Variants in EFNA1 observed in about 807,000 individuals in gnomAD.
EFNA1 encodes the protein ephrin A1, also known as ephrin-A1.
In EFNA1, 8 loss-of-function variants were observed where a neutral mutation model predicts 23.2. The observed-to-expected ratio is 0.34, with a 90% CI of 0.20 to 0.62. The LOEUF is 0.62. Ranked by LOEUF, EFNA1 falls within the 20% of genes least tolerant of loss-of-function variation. The pLI is 0.75. For synonymous variants in EFNA1, 89 were observed against 98.6 expected, an observed-to-expected ratio of 0.90 and a Z score of 0.58; for missense variants, 217 against 260.0, an observed-to-expected ratio of 0.83 and a Z score of 1.14.
Position 155,131,619 on chromosome 1 carries a change from A to AGCT in EFNA1, c.374_376dup (p.Ser125_Tyr126insCys). ...GGGCAAGGAGTTCAAAGAAGGACAC[A>AGCT]GCTACTACTACATCTGTGAGTGCCT... On this transcript the variant is annotated inframe_insertion, in exon 2 of 5. Transcript: ENST00000368407. 1 of 1,611,700 alleles carries AGCT rather than the reference A, an allele frequency of 6.2e-7. No homozygotes were observed. The highest frequency in any genetic ancestry group is 1.1e-5 in the South Asian group (1 of 91,046).
chr1:155,133,613 T>G, intron 3 of EFNA1, 45 bp downstream of exon 3: 3 of 1,611,606 alleles, frequency 1.9e-6, no homozygotes, highest in Non-Finnish European at 2.5e-6. Flanking sequence ...ATCTCTATGC[T>G]GGGTGCGGTC....
At chr1:155,132,312 G>C (rs2102471786) in intron 2 of EFNA1, among the ~76,000 whole-genome samples, 1 of 152,070 alleles carries the variant, frequency 6.6e-6, no homozygotes, top group Admixed American at 6.5e-5. Flanking sequence ...GCAGTGGTGT[G>C]ATCTCTGCTC....
chr1:155,133,948 C>T lies in EFNA1; in HGVS notation c.506-7C>T, dbSNP rs1224020511. 6.2e-7 allele frequency: 1 copy of T among 1,613,888 alleles called. No individual in the cohort carries two copies. The highest frequency in any genetic ancestry group is 1.3e-5 in the African/African-American group (1 of 75,040). On this transcript the variant is annotated splice_region_variant and splice_polypyrimidine_tract_variant and intron_variant, in intron 4 of 4. Coordinates refer to ENST00000368407, the MANE Select transcript of EFNA1 (RefSeq NM_004428.3). Reference sequence around the variant, plus strand: ...ACACTGGTGGCCTTTGCCCTCTCACCTTGCAGATGACCCAGAGGTGCGGGT... The same window carrying T: ...ACACTGGTGGCCTTTGCCCTCTCACTTTGCAGATGACCCAGAGGTGCGGGT...
At position 155,134,300 on chromosome 1, in the gene EFNA1, GAAGT is replaced by G. The variant is rs2102474193; in HGVS notation, c.*234_*237del. 1 of 567,626 alleles carries G rather than the reference GAAGT, an allele frequency of 1.8e-6. No individual in the cohort carries two copies. Among genetic ancestry groups the G allele is most frequent in the Non-Finnish European group, 3.2e-6 (1 of 315,674 alleles). The allele number at this position is 567,626 out of a possible 1,614,324, so 35.2% of individuals were successfully genotyped here. A position where few individuals can be genotyped will look rare whatever the true frequency, so the allele number is the denominator to read the frequency against. On this transcript the variant is annotated 3_prime_UTR_variant, in exon 5 of 5. Transcript: ENST00000368407. ...CCTTCACCTCGGAGGGATGGAGAAAGAAGTGGAGACAGTCCTTTCCCACCATTCC... is the reference window on the plus strand; with the variant it reads ...CCTTCACCTCGGAGGGATGGAGAAAGGGAGACAGTCCTTTCCCACCATTCC...
rs1664148022 is a variant in EFNA1 at position 155,128,537 on chromosome 1, G to A, written c.92+468G>A. ...CCCTGGAAGGACCTCTCAGGAGAGA[G>A]CTGGGCTGTAGGCATTCATTATGCA... On this transcript the variant is annotated intron_variant, in intron 1 of 4. Coordinates refer to ENST00000368407, the MANE Select transcript of EFNA1 (RefSeq NM_004428.3). Among the ~76,000 whole-genome samples the A allele has an allele frequency of 3.3e-5, 5 of 152,328 alleles. No individual in the cohort carries two copies. The South Asian group carries it at 1.0e-3, about 32-fold the overall frequency.
intron 1 of EFNA1, chr1:155,130,484 G>T (rs369472084): frequency 2.0e-6 from 2 of 978,350 alleles, no homozygotes; most frequent in African/African-American, 1.8e-5. Flanking sequence ...GGAGGGGAGA[G>T]GGGGAGAGGA....
chr1:155,133,744 G>A lies in EFNA1; in HGVS notation c.469G>A (p.Ala157Thr), dbSNP rs1664298480. The A allele has an allele frequency of 1.2e-6, 2 of 1,613,952 alleles. No homozygotes were observed. Among genetic ancestry groups the A allele is most frequent in the African/African-American group, 1.3e-5 (1 of 74,862 alleles). ...TTGTCTTTCAGCTCACAGTCCTCAG[G>A]CCCATGACAATCCACAGGAGAAGAG... Reference protein sequence around the residue: ...VSGKITHSPQAHDNPQEKRLA... With the variant: ...VSGKITHSPQTHDNPQEKRLA... The change falls in exon 4 of 5, where the codon GCC becomes ACC. Residue 157 changes from alanine to threonine, a missense_variant. Physicochemically the swap from Ala to Thr is moderately conservative, Grantham distance 58. Transcript: ENST00000368407.
In EFNA1 at chr1:155,134,042, C is replaced by T; in HGVS notation, c.593C>T (p.Pro198Leu). Residue 198 changes from proline (P) to leucine (L), a missense_variant, in exon 5 of 5, where the codon CCA (proline) becomes CTA (leucine). Transcript: ENST00000368407. Reference sequence around the variant, plus strand: ...CTTGCCTGGACTGTGCTGCTCCTTCCACTTCTGCTGCTGCAAACCCCGTGA... The same window carrying T: ...CTTGCCTGGACTGTGCTGCTCCTTCTACTTCTGCTGCTGCAAACCCCGTGA... ...FPLAWTVLLL[P>L]LLLLQTP The T allele has an allele frequency of 6.2e-7, 1 of 1,614,128 alleles. No individual in the cohort carries two copies. Among genetic ancestry groups the T allele is most frequent in the Non-Finnish European group, 8.5e-7 (1 of 1,180,030 alleles).
intron 1 of EFNA1, chr1:155,131,125 C>T: frequency 1.5e-6 from 2 of 1,364,630 alleles, no homozygotes; most frequent in Non-Finnish European, 1.9e-6. Flanking sequence ...ATTTGAAGGA[C>T]CAACAGGAGA....
Position 155,131,383 on chromosome 1 carries a change from A to G in EFNA1, c.137A>G (p.Tyr46Cys), listed in dbSNP as rs146875946. The G allele has an allele frequency of 1.9e-5, 30 of 1,613,950 alleles. No homozygotes were observed. The highest frequency in any genetic ancestry group is 2.5e-5 in the Non-Finnish European group (29 of 1,179,968). The change falls in exon 2 of 5, where the codon TAC becomes TGC. Residue 46 changes from tyrosine (Y) to cysteine (C), a missense_variant. By Grantham distance (194) the Tyr-to-Cys change is radical (BLOSUM62 -2). Transcript: ENST00000368407. ...ACCATACATGTGCAGCTGAATGACTACGTGGACATCATCTGTCCGCACTAT... is the reference window on the plus strand; with the variant it reads ...ACCATACATGTGCAGCTGAATGACTGCGTGGACATCATCTGTCCGCACTAT... ...DYTIHVQLND[Y>C]VDIICPHYED...
chr1:155,133,913 G>A (rs767104304), intron 4 of EFNA1, 42 bp from the exon 5 acceptor site: 6 of 1,606,476 alleles, frequency 3.7e-6, no homozygotes, highest in South Asian at 1.1e-5. Flanking sequence ...TACAAATAGT[G>A]GAGCCACTCA....
intron 1 of EFNA1, 31 bp downstream of exon 1, chr1:155,128,100 G>C (rs372698388): frequency 1.2e-6 from 2 of 1,600,594 alleles, no homozygotes; most frequent in East Asian, 4.5e-5. Flanking sequence ...TGGCAGCCTG[G>C]GCTCCCGGCT....
intron 1 of EFNA1, chr1:155,130,544 T>G: frequency 3.0e-6 from 3 of 984,000 alleles, no homozygotes; most frequent in Non-Finnish European, 3.6e-6. Flanking sequence ...AAGCTCAAGC[T>G]CAGAGCTCCA....
At chr1:155,128,617 G>A (rs1664150076) in intron 1 of EFNA1, among the ~76,000 whole-genome samples, 1 of 152,240 alleles carries the variant, frequency 6.6e-6, no homozygotes, top group Non-Finnish European at 1.5e-5. Context: ...GTCTTTTGGG[G>A]TGGCATGAGT....
At position 155,133,752 on chromosome 1, in the gene EFNA1, C is replaced by A. The variant is rs1664299539; in HGVS notation, c.477C>A (p.Asp159Glu). The A allele has an allele frequency of 2.5e-6, 4 of 1,614,120 alleles. No homozygotes were observed. In the East Asian group the frequency reaches 8.9e-5, roughly 36 times the overall value. ...CAGCTCACAGTCCTCAGGCCCATGA[C>A]AATCCACAGGAGAAGAGACTTGCAG... ...GKITHSPQAH[D>E]NPQEKRLAAD... The change falls in exon 4 of 5, where the codon GAC (aspartate) becomes GAA (glutamate). Residue 159 changes from aspartate to glutamate, a missense_variant. Coordinates refer to ENST00000368407, the MANE Select transcript of EFNA1 (RefSeq NM_004428.3).
rs2102474254 is a variant in EFNA1 at position 155,134,330 on chromosome 1, T to TG, written c.*264dup. 1.9e-6 allele frequency: 1 copy of TG among 517,016 alleles called. No homozygotes were observed. The highest frequency in any genetic ancestry group is 3.5e-6 in the Non-Finnish European group (1 of 282,816). 32.0% of individuals were successfully genotyped at this position (517,016 alleles called of 1,614,324 possible). On this transcript the variant is annotated 3_prime_UTR_variant, in exon 5 of 5. Coordinates refer to ENST00000368407, the MANE Select transcript of EFNA1 (RefSeq NM_004428.3). The stretch of plus-strand genomic sequence containing the variant: ...GGAGACAGTCCTTTCCCACCATTCC[T>TG]GCCTTTAAGCCAAAGAAACAAGCTG...
chr1:155,134,290 G>A lies in EFNA1; in HGVS notation c.*223G>A, dbSNP rs1012950487. On this transcript the variant is annotated 3_prime_UTR_variant, in exon 5 of 5. Transcript: ENST00000368407. The stretch of plus-strand genomic sequence containing the variant: ...GCCATCCCCACCTTCACCTCGGAGG[G>A]ATGGAGAAAGAAGTGGAGACAGTCC... 1.2e-5 allele frequency: 7 copies of A among 576,878 alleles called. No homozygotes were observed. The highest frequency in any genetic ancestry group is 9.4e-4 in the Middle Eastern group (2 of 2,118). The allele number at this position is 576,878 out of a possible 1,614,324, so 35.7% of individuals were successfully genotyped here. A position where few individuals can be genotyped will look rare whatever the true frequency, so the allele number is the denominator to read the frequency against.
rs201402574 is a variant in EFNA1 at position 155,134,006 on chromosome 1, G to C, written c.557G>C (p.Arg186Pro). 6.1e-5 allele frequency: 98 copies of C among 1,613,962 alleles called. No individual in the cohort carries two copies. Among genetic ancestry groups the C allele is most frequent in the Admixed American group, 2.3e-4 (14 of 59,994 alleles). The change falls in exon 5 of 5, where the codon CGC (arginine) becomes CCC (proline). Residue 186 changes from arginine to proline, a missense_variant. Transcript: ENST00000368407. Reference sequence around the variant, plus strand: ...AGCATCGGTCACAGTGCTGCCCCACGCCTCTTCCCACTTGCCTGGACTGTG... The same window carrying C: ...AGCATCGGTCACAGTGCTGCCCCACCCCTCTTCCCACTTGCCTGGACTGTG... The part of the protein sequence containing the change: ...LHSIGHSAAP[R>P]LFPLAWTVLL...
At position 155,131,322 on chromosome 1, in the gene EFNA1, C is replaced by G; in HGVS notation, c.93-17C>G. ...TCTGAATGACCACCTGCTTCTTCCC[C>G]CTGTGTGTGTCCCCAGGTTCCGGAA... On this transcript the variant is annotated splice_polypyrimidine_tract_variant and intron_variant, in intron 1 of 4. Transcript: ENST00000368407. 6.3e-7 allele frequency: 1 copy of G among 1,594,972 alleles called. No individual in the cohort carries two copies. The highest frequency in any genetic ancestry group is 8.6e-7 in the Non-Finnish European group (1 of 1,165,538).
Sources: allele counts gnomAD v4.1 joint callset (sites outside exome capture counted in the v4.1 genomes callset), GRCh38; gene constraint gnomAD v4.1.1; transcripts MANE v1.5; gene names NCBI Gene and HGNC (gene_info 2026-07-23, HGNC 2026-07-21).